The following CCSER1 variants were observed in gnomAD, a reference collection of about 807,000 sequenced individuals.
CCSER1 encodes serine-rich coiled-coil domain-containing protein 1.
CCSER1 carries 41 observed loss-of-function variants against 82.0 expected under a neutral mutation model. That is an observed-to-expected ratio of 0.50 (90% CI 0.39 to 0.65). The LOEUF (loss-of-function observed/expected upper bound fraction) is 0.65, where lower values mean the gene tolerates loss of function less well. Among genes scored for constraint, CCSER1 ranks in the 30% least tolerant of loss-of-function variants. The pLI is 0.00. For synonymous variants in CCSER1, 414 were observed against 383.9 expected, an observed-to-expected ratio of 1.08 and a Z score of -0.92; for missense variants, 1,119 against 1,064.2, an observed-to-expected ratio of 1.05 and a Z score of -0.72.
At chr4:90,665,499 T>C (rs1294266271) in intron 6 of CCSER1, among the ~76,000 whole-genome samples, 1 of 151,982 alleles carries the variant, frequency 6.6e-6, no homozygotes, top group Non-Finnish European at 1.5e-5. Context: ...TTTTTTGTAT[T>C]TTTAGTAGAG....
At chr4:90,258,549 A>G (rs1335551733) in intron 1 of CCSER1, among the ~76,000 whole-genome samples, 1 of 152,176 alleles carries the variant, frequency 6.6e-6, no homozygotes. Context: ...AAATATGTGT[A>G]AGAAACTCAA....
chr4:91,373,107 A>G (rs749293320), intron 10 of CCSER1, among the ~76,000 whole-genome samples: 1 of 151,334 alleles, frequency 6.6e-6, no homozygotes, highest in African/African-American at 2.4e-5. Context: ...ACTATTTGCT[A>G]TTTGGAACTT....
At chr4:91,390,015 T>C (rs569421375) in intron 10 of CCSER1, among the ~76,000 whole-genome samples, 3 of 152,202 alleles carry the variant, frequency 2.0e-5, no homozygotes, top group Middle Eastern at 3.4e-3. Context: ...CATATATCTG[T>C]GACAAAGACA....
At chr4:90,233,323 G>T (rs1038612718) in intron 1 of CCSER1, among the ~76,000 whole-genome samples, 5 of 152,054 alleles carry the variant, frequency 3.3e-5, no homozygotes, top group African/African-American at 7.2e-5. Flanking sequence ...GTCCTTTGTA[G>T]GGACACGGAT....
At chr4:90,969,595 G>A (rs1734892030) in intron 9 of CCSER1, among the ~76,000 whole-genome samples, 1 of 151,812 alleles carries the variant, frequency 6.6e-6, no homozygotes, top group Non-Finnish European at 1.5e-5. Flanking sequence ...TTTCCCAGAT[G>A]AACAAAATGA....
chr4:90,543,899 T>C (rs1005220561), intron 5 of CCSER1, among the ~76,000 whole-genome samples: 3 of 152,108 alleles, frequency 2.0e-5, no homozygotes, highest in African/African-American at 7.2e-5. Context: ...TCTGAAATTG[T>C]GATGAAAGGG....
At chr4:90,276,565 C>T (rs553548148) in intron 1 of CCSER1, among the ~76,000 whole-genome samples, 5 of 151,858 alleles carry the variant, frequency 3.3e-5, no homozygotes, top group African/African-American at 7.3e-5. Flanking sequence ...AGGCTGGTCT[C>T]GAAATCCTGG....
At chr4:90,688,770 A>C (rs1388427749) in intron 6 of CCSER1, among the ~76,000 whole-genome samples, 1 of 152,162 alleles carries the variant, frequency 6.6e-6, no homozygotes. Flanking sequence ...AAATACTTTA[A>C]GTGAAATACC....
intron 8 of CCSER1, among the ~76,000 whole-genome samples, chr4:90,831,515 T>C (rs1761107603): frequency 2.0e-5 from 3 of 152,290 alleles, no homozygotes; most frequent in African/African-American, 7.2e-5. Context: ...ATATGCCTAT[T>C]ACACTGTTGA....
intron 1 of CCSER1, among the ~76,000 whole-genome samples, chr4:90,139,785 C>T (rs1400201263): frequency 6.6e-6 from 1 of 151,992 alleles, no homozygotes; most frequent in African/African-American, 2.4e-5. Flanking sequence ...AACTCTGTCT[C>T]TACTAAACAA....
chr4:91,576,869 A>T (rs1349391655), intron 10 of CCSER1, among the ~76,000 whole-genome samples: 5 of 152,046 alleles, frequency 3.3e-5, no homozygotes, highest in Non-Finnish European at 4.4e-5. Flanking sequence ...CTATATTTTC[A>T]GCACACAAAG....
At chr4:90,608,185 T>C (rs1784980945) in intron 5 of CCSER1, among the ~76,000 whole-genome samples, 1 of 152,170 alleles carries the variant, frequency 6.6e-6, no homozygotes, top group Non-Finnish European at 1.5e-5. Context: ...ATAAGGAGTT[T>C]GAGCAGGGAT....
At chr4:90,826,516 A>G (rs1164490645) in intron 8 of CCSER1, among the ~76,000 whole-genome samples, 1 of 152,194 alleles carries the variant, frequency 6.6e-6, no homozygotes, top group Non-Finnish European at 1.5e-5. Flanking sequence ...TGAGCTCCTA[A>G]CCTTTGACAG....
At chr4:90,177,779 A>G (rs575172907) in intron 1 of CCSER1, among the ~76,000 whole-genome samples, 1 of 152,218 alleles carries the variant, frequency 6.6e-6, no homozygotes, top group African/African-American at 2.4e-5. Flanking sequence ...TTTAAGCAGT[A>G]TCTCATAGCA....
At chr4:91,586,275 G>A (rs1437172279) in intron 10 of CCSER1, among the ~76,000 whole-genome samples, 1 of 151,824 alleles carries the variant, frequency 6.6e-6, no homozygotes, top group Non-Finnish European at 1.5e-5. Flanking sequence ...GTAGATACAC[G>A]AATGAAAATT....
rs1770080784 is a variant in CCSER1, at chr4:90,502,648, A to G, written c.1724+34294A>G. On this transcript the variant is annotated intron_variant, in intron 5 of 10. Transcript: ENST00000509176. ...ATAGAAATAAATTACTTCACTGGGAAAAACACCACTTTTTCTCAAGGAAAA... is the reference window on the plus strand; with the variant it reads ...ATAGAAATAAATTACTTCACTGGGAGAAACACCACTTTTTCTCAAGGAAAA... Among the ~76,000 whole-genome samples, 3 of 152,160 alleles carry G rather than the reference A, an allele frequency of 2.0e-5. No individual in the cohort carries two copies. In the South Asian group the frequency reaches 6.2e-4, roughly 32 times the overall value.
chr4:90,281,552 T>C (rs1358264461), intron 1 of CCSER1, among the ~76,000 whole-genome samples: 2 of 152,000 alleles, frequency 1.3e-5, no homozygotes, highest in Admixed American at 1.3e-4. Flanking sequence ...ATTTGAGTTA[T>C]ATAGTTTCCC....
intron 7 of CCSER1, chr4:90,781,280 T>A: frequency 2.0e-6 from 2 of 985,242 alleles, no homozygotes; most frequent in Non-Finnish European, 2.4e-6. Flanking sequence ...ACTTTTATTC[T>A]CTACAGAAAC....
intron 6 of CCSER1, among the ~76,000 whole-genome samples, chr4:90,661,472 A>G (rs1730765480): frequency 6.6e-6 from 1 of 152,196 alleles, no homozygotes. Context: ...GAATAGAAGA[A>G]GCAATGTAAA....
Sources: gnomAD v4.1 joint callset for allele counts (sites outside exome capture counted in the v4.1 genomes callset) on GRCh38, gnomAD v4.1.1 for gene constraint, MANE v1.5 for transcripts, NCBI Gene and HGNC (gene_info 2026-07-23, HGNC 2026-07-21) for gene names.